The following PDZD2 variants were observed in gnomAD, a reference collection of about 807,000 sequenced individuals.
PDZD2 encodes the protein PDZ domain containing 2.
In PDZD2, 90 loss-of-function variants were observed where a neutral mutation model predicts 220.7. The ratio of observed to expected loss-of-function variants is 0.41; its 90% CI spans 0.34 to 0.49. The LOEUF (loss-of-function observed/expected upper bound fraction) is 0.49. Ranked by LOEUF, PDZD2 falls within the 20% of genes least tolerant of loss-of-function variation. PDZD2 has a pLI of 0.28. For synonymous variants in PDZD2, 1,375 were observed against 1,450.5 expected, an observed-to-expected ratio of 0.95 and a Z score of 1.18; for missense variants, 3,174 against 3,608.5, an observed-to-expected ratio of 0.88 and a Z score of 3.08.
At chr5:31,747,142 T>TC (rs1750650743) in intron 1 of PDZD2, among the ~76,000 whole-genome samples, 2 of 152,344 alleles carry the variant, frequency 1.3e-5, no homozygotes, top group South Asian at 4.1e-4. Flanking sequence ...ACCATTGCAC[T>TC]CCAGCCTGGG....
chr5:31,865,136 C>T (rs550217020), intron 2 of PDZD2, among the ~76,000 whole-genome samples: 39 of 151,984 alleles, frequency 2.6e-4, no homozygotes, highest in African/African-American at 8.0e-4. Flanking sequence ...CGTGAACCAT[C>T]GCGCCCAGCT....
In PDZD2 at chr5:32,089,185, C is replaced by T; in HGVS notation, c.5737C>T (p.His1913Tyr). ...TGCTGTGAAGGCTGGGGGGACGGAC[C>T]ACAGGAAACCCTTGATCTCACCCCA... is the stretch of plus-strand genomic sequence containing the variant. ...ANAVKAGGTD[H>Y]RKPLISPQTS... Residue 1913 changes from histidine (H) to tyrosine (Y), a missense_variant, in exon 20 of 25, where the codon CAC (histidine) becomes TAC (tyrosine). This residue lies in a region of PDZD2 where 1,861 missense variants were observed against 2,001.0 expected (regional missense o/e 0.93). Coordinates refer to ENST00000438447, the MANE Select transcript of PDZD2 (RefSeq NM_178140.4). The T allele has an allele frequency of 6.2e-7, 1 of 1,614,126 alleles. No homozygotes were observed. The highest frequency in any genetic ancestry group is 8.5e-7 in the Non-Finnish European group (1 of 1,180,028).
intron 5 of PDZD2, among the ~76,000 whole-genome samples, chr5:32,010,093 G>T (rs6882130): frequency 1.1e-5 from 1 of 94,344 alleles, no homozygotes; most frequent in Non-Finnish European, 2.0e-5. Flanking sequence ...TCAAAAAAAA[G>T]AAAAAAGAAA....
At chr5:31,948,058 T>C (rs1280001021) in intron 2 of PDZD2, among the ~76,000 whole-genome samples, 1 of 152,144 alleles carries the variant, frequency 6.6e-6, no homozygotes. Context: ...TCAGTACAGG[T>C]GGAAGAAATA....
In PDZD2 at chr5:32,100,573, G is replaced by A. The variant is rs188974502; in HGVS notation, c.8219-532G>A. 8.7e-4 allele frequency: 296 copies of A among 339,450 alleles called. 2 individuals are homozygous for A. Among genetic ancestry groups the A allele is most frequent in the African/African-American group, 5.4e-3 (252 of 46,542 alleles). 21.0% of individuals were successfully genotyped at this position (339,450 alleles called of 1,614,324 possible). On this transcript the variant is annotated intron_variant, in intron 23 of 24. Coordinates refer to ENST00000438447, the MANE Select transcript of PDZD2 (RefSeq NM_178140.4). Reference sequence around the variant, plus strand: ...AGGGTTTCCCTTTGCAGGAGCAGGAGTGGCAGGAGCGGGGAGGCAGGAAGC... The same window carrying A: ...AGGGTTTCCCTTTGCAGGAGCAGGAATGGCAGGAGCGGGGAGGCAGGAAGC...
rs1286618648 is a variant in PDZD2 at position 32,010,457 on chromosome 5, G to A, written c.1382G>A (p.Gly461Glu). 2.5e-6 allele frequency: 4 copies of A among 1,612,590 alleles called. No homozygotes were observed. Among genetic ancestry groups the A allele is most frequent in the Non-Finnish European group, 3.4e-6 (4 of 1,178,876 alleles). The change falls in exon 6 of 25, where the codon GGA becomes GAA. Residue 461 changes from glycine to glutamate, a missense_variant. Physicochemically the swap from Gly to Glu is moderately conservative, Grantham distance 98. This residue lies in a region of PDZD2 where 632 missense variants were observed against 708.1 expected (regional missense o/e 0.89). Coordinates refer to ENST00000438447, the MANE Select transcript of PDZD2 (RefSeq NM_178140.4). ...GAGGCAGACGGGGAAGAGGACGAAG[G>A]AACCAGCTCTTCTGTCCAGAGAGCA... ...DQEADGEEDE[G>E]TSSSVQRAMP...
intron 2 of PDZD2, chr5:31,843,801 C>T (rs1370962317): frequency 2.0e-5 from 3 of 152,106 alleles, no homozygotes; most frequent in Non-Finnish European, 2.9e-5. Flanking sequence ...TGAGGTGGGC[C>T]CTTTGTACAG....
chr5:31,661,322 G>A (rs977552020), intron 1 of PDZD2: 5 of 152,172 alleles, frequency 3.3e-5, no homozygotes, highest in African/African-American at 1.2e-4. Context: ...GGAAGAATAT[G>A]TAAGCAAATA....
At chr5:31,801,137 A>G (rs1754367556) in intron 2 of PDZD2, among the ~76,000 whole-genome samples, 1 of 152,208 alleles carries the variant, frequency 6.6e-6, no homozygotes, top group Non-Finnish European at 1.5e-5. Flanking sequence ...GTCCAAATTC[A>G]AATGATCCAG....
intron 6 of PDZD2, chr5:32,010,704 C>T (rs1314624790): frequency 1.7e-6 from 1 of 572,444 alleles, no homozygotes; most frequent in African/African-American, 1.8e-5. Context: ...ACAAGATAAG[C>T]AACCCAGGGG....
intron 2 of PDZD2, among the ~76,000 whole-genome samples, chr5:31,926,907 T>C (rs1010575253): frequency 6.6e-5 from 10 of 152,368 alleles, no homozygotes; most frequent in South Asian, 4.1e-4. Flanking sequence ...AATGAAATCA[T>C]GTCTTTTGCA....
intron 2 of PDZD2, among the ~76,000 whole-genome samples, chr5:31,878,559 T>C (rs919955676): frequency 1.3e-4 from 11 of 86,194 alleles, no homozygotes; most frequent in African/African-American, 7.2e-4. Flanking sequence ...CCTCGGCTTT[T>C]TTTTTTTTTT....
At chr5:31,696,668 G>C (rs1453445406) in intron 1 of PDZD2, among the ~76,000 whole-genome samples, 1 of 152,156 alleles carries the variant, frequency 6.6e-6, no homozygotes, top group Non-Finnish European at 1.5e-5. Flanking sequence ...AAGTTGCAAT[G>C]GTTCTCTCCC....
At chr5:32,057,563 C>G in intron 10 of PDZD2, 92 bp from the exon 11 acceptor site, 1 of 744,776 alleles carries the variant, frequency 1.3e-6, no homozygotes, top group Non-Finnish European at 2.4e-6. Flanking sequence ...AAATCAGGGA[C>G]CATATGGTAT....
rs911981697 is a variant in PDZD2, at chr5:32,031,662, A to C, written c.1408-5569A>C. On this transcript the variant is annotated intron_variant, in intron 6 of 24. Coordinates refer to ENST00000438447, the MANE Select transcript of PDZD2 (RefSeq NM_178140.4). ...GTCTAGAGCTACAGTCTATGTAATC[A>C]TCAAATCTGGAGGCACCCTGAGACC... Among the ~76,000 whole-genome samples the C allele has an allele frequency of 2.0e-5, 3 of 150,746 alleles. No individual in the cohort carries two copies. The East Asian group carries it at 5.8e-4, about 29-fold the overall frequency.
chr5:31,667,136 T>C (rs1224695874), intron 1 of PDZD2, among the ~76,000 whole-genome samples: 1 of 145,912 alleles, frequency 6.9e-6, no homozygotes, highest in East Asian at 2.0e-4. Context: ...CTCAGGAGGC[T>C]GAGGCAGGAG....
chr5:32,100,118 A>G lies in PDZD2; in HGVS notation c.8219-987A>G, dbSNP rs1744119346. 2.0e-5 allele frequency: 3 copies of G among 152,404 alleles called. No homozygotes were observed. In the South Asian group the frequency reaches 6.2e-4, roughly 32 times the overall value. 9.4% of individuals were successfully genotyped at this position (152,404 alleles called of 1,614,324 possible). On this transcript the variant is annotated intron_variant, in intron 23 of 24. Coordinates refer to ENST00000438447, the MANE Select transcript of PDZD2 (RefSeq NM_178140.4). ...ATGCAGCCAGACTCGAGCCACTGCA[A>G]TAGACCCATTTTCCTGTTGAAAAAT...
chr5:31,954,211 GTTTTGTT>G (rs1747450044), intron 2 of PDZD2, among the ~76,000 whole-genome samples: 1 of 152,116 alleles, frequency 6.6e-6, no homozygotes. Flanking sequence ...CACCACATGA[GTTTTGTT>G]TTTTGTTTTT....
intron 6 of PDZD2, among the ~76,000 whole-genome samples, chr5:32,021,248 G>C (rs1446238244): frequency 1.3e-5 from 2 of 151,130 alleles, no homozygotes; most frequent in East Asian, 3.9e-4. Flanking sequence ...GTTACTGTTT[G>C]CTTGCCTTGA....
Sources: allele counts gnomAD v4.1 joint callset (sites outside exome capture counted in the v4.1 genomes callset), GRCh38; gene constraint gnomAD v4.1.1; regional missense constraint gnomAD v4.1.1; transcripts MANE v1.5; gene names NCBI Gene and HGNC (gene_info 2026-07-23, HGNC 2026-07-21).